ANXA4: variants seen among roughly 807,000 people sequenced by gnomAD.
ANXA4 encodes 35-beta calcimedin.
Under a neutral mutation model 49.8 loss-of-function variants are expected in ANXA4, and 39 were observed. The ratio of observed to expected loss-of-function variants is 0.78; its 90% confidence interval spans 0.61 to 1.02. The LOEUF (loss-of-function observed/expected upper bound fraction) is 1.02, where lower values mean the gene tolerates loss of function less well. Among genes scored for constraint, ANXA4 ranks in the 50% least tolerant of loss-of-function variants. The pLI, the probability that ANXA4 is intolerant of heterozygous loss-of-function variation, is 0.00. For missense variants in ANXA4, 360 were observed against 410.1 expected, an observed-to-expected ratio of 0.88 and a Z score of 1.05; for synonymous variants, 134 against 152.5, an observed-to-expected ratio of 0.88 and a Z score of 0.89.
At chr2:69,762,980 G>A (rs1671359191) in intron 1 of ANXA4, among the ~76,000 whole-genome samples, 1 of 152,152 alleles carries the variant, frequency 6.6e-6, no homozygotes, top group South Asian at 2.1e-4. Flanking sequence ...GACCATCCTA[G>A]TCTTTTCCAT....
At chr2:69,648,888 CTTTTTTTTTTT>C (rs777450997) in intron 1 of ANXA4, among the ~76,000 whole-genome samples, 4 of 105,814 alleles carry the variant, frequency 3.8e-5, no homozygotes, top group Non-Finnish European at 1.7e-5. Flanking sequence ...TCTTTCTTTT[CTTTTTTTTTTT>C]TTTTGAGATG....
At chr2:69,656,369 GTATATATGTGTA>G (rs1421662992) in intron 2 of ANXA4, among the ~76,000 whole-genome samples, 5 of 117,750 alleles carry the variant, frequency 4.2e-5, no homozygotes, top group Admixed American at 1.1e-4. Flanking sequence ...ATATATATGT[GTATATATGTGTA>G]TATATATGTG....
At chr2:69,784,248 T>C (rs1672322944) in intron 2 of ANXA4, among the ~76,000 whole-genome samples, 1 of 152,208 alleles carries the variant, frequency 6.6e-6, no homozygotes, top group South Asian at 2.1e-4. Context: ...CATTTCTTGA[T>C]CTCTTTCTTG....
chr2:69,767,667 C>T (rs1240845193), intron 1 of ANXA4, among the ~76,000 whole-genome samples: 2 of 152,192 alleles, frequency 1.3e-5, no homozygotes, highest in African/African-American at 4.8e-5. Context: ...CAGCCTTGTA[C>T]TAAACATGTT....
At chr2:69,775,654 A>G (rs2103627041) in intron 1 of ANXA4, among the ~76,000 whole-genome samples, 1 of 152,370 alleles carries the variant, frequency 6.6e-6, no homozygotes, top group Admixed American at 6.5e-5. Context: ...AAAGGGTTAC[A>G]TCAGAGCATG....
chr2:69,728,372 C>A (rs1188402164), intron 3 of ANXA4, among the ~76,000 whole-genome samples: 1 of 152,134 alleles, frequency 6.6e-6, no homozygotes, highest in East Asian at 1.9e-4. Context: ...AGCAGAAATT[C>A]TTAAGTTTAA....
At chr2:69,688,344 A>G (rs12471316) in intron 2 of ANXA4, among the ~76,000 whole-genome samples, 73,287 of 152,040 alleles carry the variant, frequency 0.48, 18,331 homozygotes, top group East Asian at 0.77. Context: ...AGAATAGTGG[A>G]ATTTTGATTT....
At chr2:69,816,283 C>G in intron 9 of ANXA4, 89 bp downstream of exon 9, 1 of 1,055,126 alleles carries the variant, frequency 9.5e-7, no homozygotes, top group South Asian at 1.4e-5. Flanking sequence ...CTTCCTCCTT[C>G]AGTTGGTACA....
chr2:69,804,597 C>T lies in ANXA4; in HGVS notation c.162C>T (p.Ile54=), dbSNP rs1250506714. 1 of 1,613,614 alleles carries T rather than the reference C, an allele frequency of 6.2e-7. No individual in the cohort carries two copies. The highest frequency in any genetic ancestry group is 8.5e-7 in the Non-Finnish European group (1 of 1,179,856). Residue 54 remains isoleucine, a synonymous_variant, in exon 4 of 13, where the codon ATC becomes ATT. Transcript: ENST00000394295. Reference sequence around the variant, plus strand: ...GCAACACCGCCCAGCGCCAGGAGATCAGGACAGCCTACAAGAGCACCATCG... The same window carrying T: ...GCAACACCGCCCAGCGCCAGGAGATTAGGACAGCCTACAAGAGCACCATCG... ...AYRNTAQRQE[I]RTAYKSTIGR...
intron 2 of ANXA4, among the ~76,000 whole-genome samples, chr2:69,670,416 G>A (rs1677129004): frequency 6.8e-6 from 1 of 146,366 alleles, no homozygotes; most frequent in Non-Finnish European, 1.5e-5. Flanking sequence ...CTCCAGCCTG[G>A]CGACAGAGCG....
intron 1 of ANXA4, among the ~76,000 whole-genome samples, chr2:69,647,392 A>AT (rs747930792): frequency 9.5e-6 from 1 of 105,814 alleles, no homozygotes; most frequent in Non-Finnish European, 1.7e-5. Flanking sequence ...TTTTTATTTT[A>AT]TTTATTTATT....
intron 1 of ANXA4, among the ~76,000 whole-genome samples, chr2:69,744,661 A>G (rs943592597): frequency 4.6e-5 from 7 of 152,156 alleles, no homozygotes; most frequent in Non-Finnish European, 8.8e-5. Context: ...TCAACCTGCA[A>G]TGGGGTTATT....
intron 2 of ANXA4, among the ~76,000 whole-genome samples, chr2:69,661,187 T>C (rs2105323779): frequency 6.7e-6 from 1 of 149,774 alleles, no homozygotes; most frequent in South Asian, 2.1e-4. Flanking sequence ...TTAAGCATAC[T>C]TGAAGCATAA....
chr2:69,780,178 C>A (rs2103656155), intron 1 of ANXA4, among the ~76,000 whole-genome samples: 1 of 152,122 alleles, frequency 6.6e-6, no homozygotes, highest in South Asian at 2.1e-4. Flanking sequence ...GGGGTAGGGA[C>A]CTGAGATTCT....
At chr2:69,772,421 G>A (rs1671760202) in intron 1 of ANXA4, among the ~76,000 whole-genome samples, 1 of 152,258 alleles carries the variant, frequency 6.6e-6, no homozygotes, top group Non-Finnish European at 1.5e-5. Flanking sequence ...GGAAAATGAG[G>A]TGGGAAGGTT....
At chr2:69,721,978 C>T (rs2066775608) in intron 3 of ANXA4, among the ~76,000 whole-genome samples, 2 of 152,066 alleles carry the variant, frequency 1.3e-5, no homozygotes, top group African/African-American at 2.4e-5. Context: ...GATTCTTTTA[C>T]CTTGGCTATC....
chr2:69,667,435 T>C (rs1676978951), intron 2 of ANXA4, among the ~76,000 whole-genome samples: 1 of 151,110 alleles, frequency 6.6e-6, no homozygotes, highest in South Asian at 2.1e-4. Flanking sequence ...AACCTTGTTA[T>C]GACCTCGGCA....
At position 69,718,980 on chromosome 2, in the gene ANXA4, CT is replaced by C. The variant is rs796398605; in HGVS notation, n.767-1780del. The stretch of plus-strand genomic sequence containing the variant: ...TCCAAGTCTCAAGCTAGCTACCCTC[CT>C]TTTTTTTTTTTTTGTGACTGAGTCT... On this transcript the variant is annotated intron_variant and non_coding_transcript_variant, in intron 2 of 3. Coordinates refer to the ANXA4 transcript ENST00000418066. Among the ~76,000 whole-genome samples the C allele has an allele frequency of 7.5e-3, 1,083 of 143,842 alleles. 3 individuals are homozygous for C. The highest frequency in any genetic ancestry group is 0.012 in the African/African-American group (470 of 39,384). The allele number at this position is 143,842 out of a possible 152,430, so 94.4% of individuals were successfully genotyped here. A position where few individuals can be genotyped will look rare whatever the true frequency, so the allele number is the denominator to read the frequency against.
chr2:69,696,773 C>G (rs1678173202), intron 2 of ANXA4, among the ~76,000 whole-genome samples: 1 of 152,202 alleles, frequency 6.6e-6, no homozygotes, highest in Admixed American at 6.5e-5. Context: ...CATCAGAGTT[C>G]TTGGGTGACT....
Sources: gnomAD v4.1 joint callset for allele counts (sites outside exome capture counted in the v4.1 genomes callset) on GRCh38, gnomAD v4.1.1 for gene constraint, MANE v1.5 for transcripts, NCBI Gene and HGNC (gene_info 2026-07-23, HGNC 2026-07-21) for gene names.